Variants in UBE2H observed in about 807,000 individuals in gnomAD.
UBE2H encodes ubiquitin conjugating enzyme E2 H, also known as ubiquitin-conjugating enzyme E2 H.
UBE2H carries 3 observed loss-of-function variants against 29.0 expected under a neutral mutation model. The observed-to-expected ratio is 0.10, with a 90% CI of 0.05 to 0.27. The LOEUF (loss-of-function observed/expected upper bound fraction) is 0.27, where lower values mean the gene tolerates loss of function less well. Among genes scored for constraint, UBE2H ranks in the 10% least tolerant of loss-of-function variants. UBE2H has a pLI of 1.00. For missense variants in UBE2H, 68 were observed against 228.2 expected, an observed-to-expected ratio of 0.30 and a Z score of 4.52; for synonymous variants, 69 against 82.9, an observed-to-expected ratio of 0.83 and a Z score of 0.91.
intron 1 of UBE2H, among the ~76,000 whole-genome samples, chr7:129,913,491 C>T (rs1806981644): frequency 6.6e-6 from 1 of 152,146 alleles, no homozygotes; most frequent in Admixed American, 6.5e-5. Flanking sequence ...GAAGTTATTG[C>T]TATCTCCACC....
At chr7:129,905,573 G>C (rs1436944143) in intron 1 of UBE2H, among the ~76,000 whole-genome samples, 4 of 152,170 alleles carry the variant, frequency 2.6e-5, no homozygotes, top group Non-Finnish European at 5.9e-5. Context: ...AGGCAGGGGA[G>C]TCCCCTTCCC....
intron 1 of UBE2H, among the ~76,000 whole-genome samples, chr7:129,897,631 C>A (rs954989435): frequency 6.6e-6 from 1 of 152,186 alleles, no homozygotes; most frequent in Non-Finnish European, 1.5e-5. Flanking sequence ...ATACACTAGA[C>A]AGAATGCTAA....
At chr7:129,924,532 T>C (rs1807225587) in intron 1 of UBE2H, among the ~76,000 whole-genome samples, 2 of 152,044 alleles carry the variant, frequency 1.3e-5, no homozygotes, top group African/African-American at 4.8e-5. Flanking sequence ...CAAAATGAGA[T>C]TTTATGTCAT....
intron 1 of UBE2H, among the ~76,000 whole-genome samples, chr7:129,903,512 CAACACTT>C (rs1252903589): frequency 2.6e-5 from 4 of 152,128 alleles, no homozygotes; most frequent in Non-Finnish European, 4.4e-5. Flanking sequence ...CCTGTAATCC[CAACACTT>C]TAGGAGACCC....
At chr7:129,928,582 G>T (rs964799560) in intron 1 of UBE2H, among the ~76,000 whole-genome samples, 1 of 152,164 alleles carries the variant, frequency 6.6e-6, no homozygotes, top group African/African-American at 2.4e-5. Context: ...CAGCCTGCGC[G>T]ACAAAGCGAG....
intron 1 of UBE2H, among the ~76,000 whole-genome samples, chr7:129,907,588 T>C (rs949220418): frequency 6.6e-6 from 1 of 152,192 alleles, no homozygotes; most frequent in Non-Finnish European, 1.5e-5. Context: ...CTTTATCCTA[T>C]GAACAGTACA....
In UBE2H at chr7:129,897,590, T is replaced by C. The variant is rs560169105; in HGVS notation, c.54-16619A>G. Among the ~76,000 whole-genome samples the C allele has an allele frequency of 2.6e-5, 4 of 152,320 alleles. No individual in the cohort carries two copies. In the South Asian group the frequency reaches 8.3e-4, roughly 32 times the overall value. On this transcript the variant is annotated intron_variant, in intron 1 of 6. Transcript: ENST00000355621. Reference sequence around the variant, plus strand: ...ACAGGTTCAAAATTACTGTCAAGGTTTTATTCTGAAAAAAGCAAAACTACA... The same window carrying C: ...ACAGGTTCAAAATTACTGTCAAGGTCTTATTCTGAAAAAAGCAAAACTACA...
At chr7:129,893,337 C>A (rs779741531) in intron 1 of UBE2H, among the ~76,000 whole-genome samples, 1 of 152,052 alleles carries the variant, frequency 6.6e-6, no homozygotes, top group Non-Finnish European at 1.5e-5. Flanking sequence ...TGTATTATTC[C>A]TCCAGACTTC....
intron 1 of UBE2H, among the ~76,000 whole-genome samples, chr7:129,884,757 T>C (rs993967279): frequency 2.0e-5 from 3 of 151,992 alleles, no homozygotes; most frequent in African/African-American, 7.2e-5. Flanking sequence ...CTAATTTTTT[T>C]AGTTTTTGTA....
chr7:129,866,679 T>C (rs1453379574), intron 3 of UBE2H, among the ~76,000 whole-genome samples: 1 of 152,192 alleles, frequency 6.6e-6, no homozygotes, highest in African/African-American at 2.4e-5. Context: ...CATTACGTAT[T>C]GCATATATGT....
intron 1 of UBE2H, among the ~76,000 whole-genome samples, chr7:129,931,088 CATG>C (rs1293610943): frequency 6.6e-6 from 1 of 151,674 alleles, no homozygotes; most frequent in African/African-American, 2.4e-5. Context: ...CGTGGTGGTG[CATG>C]CCTGTAGTCC....
chr7:129,927,248 T>C (rs923685448), intron 1 of UBE2H, among the ~76,000 whole-genome samples: 1 of 152,168 alleles, frequency 6.6e-6, no homozygotes, highest in Non-Finnish European at 1.5e-5. Context: ...AATTTAAAAA[T>C]GTGGGCAACT....
chr7:129,934,214 C>G (rs1156518161), intron 1 of UBE2H, among the ~76,000 whole-genome samples: 2 of 152,110 alleles, frequency 1.3e-5, no homozygotes, highest in Non-Finnish European at 1.5e-5. Flanking sequence ...CCTAGCTACT[C>G]AGGAGGCTGA....
intron 1 of UBE2H, among the ~76,000 whole-genome samples, chr7:129,895,186 T>C (rs1464026890): frequency 6.6e-6 from 1 of 152,170 alleles, no homozygotes; most frequent in African/African-American, 2.4e-5. Flanking sequence ...GCATCTGACA[T>C]GCTGTGCAGA....
At chr7:129,946,218 A>G (rs1387531135) in intron 1 of UBE2H, among the ~76,000 whole-genome samples, 1 of 145,590 alleles carries the variant, frequency 6.9e-6, no homozygotes, top group Non-Finnish European at 1.5e-5. Flanking sequence ...ACGCCCGGCT[A>G]ATTTTTTTTT....
intron 1 of UBE2H, among the ~76,000 whole-genome samples, chr7:129,901,680 T>C (rs1024405645): frequency 2.0e-5 from 3 of 152,014 alleles, no homozygotes; most frequent in Middle Eastern, 3.2e-3. Flanking sequence ...CTGCAACCTC[T>C]GCCTCCCGGG....
At chr7:129,852,199 A>G (rs1805622725) in intron 5 of UBE2H, among the ~76,000 whole-genome samples, 1 of 152,244 alleles carries the variant, frequency 6.6e-6, no homozygotes, top group Non-Finnish European at 1.5e-5. Flanking sequence ...ATCCAGCATA[A>G]AGCATTATTT....
rs1156901868 is a variant in UBE2H, at chr7:129,952,580, T to A, written c.-25A>T. 6.2e-7 allele frequency: 1 copy of A among 1,607,530 alleles called. No homozygotes were observed. Among genetic ancestry groups the A allele is most frequent in the African/African-American group, 1.3e-5 (1 of 74,666 alleles). On this transcript the variant is annotated 5_prime_UTR_variant, in exon 1 of 7. Transcript: ENST00000355621. ...TGGTGTCGCCGCCGCCTCTCTCCCT[T>A]CCTCGGCCCGTCTGTCACGGGCCCG...
Position 129,952,647 on chromosome 7 carries a change from G to A in UBE2H, c.-92C>T, listed in dbSNP as rs1028285388. 23 of 1,483,064 alleles carry A rather than the reference G, an allele frequency of 1.6e-5. No homozygotes were observed. The East Asian group carries it at 2.3e-4, about 15-fold the overall frequency. 91.9% of individuals were successfully genotyped at this position (1,483,064 alleles called of 1,614,324 possible). On this transcript the variant is annotated 5_prime_UTR_variant, in exon 1 of 7. Transcript: ENST00000355621. ...GAGCCCGCGGCCGCGCCGGCTCCTC[G>A]GTGGAGGTGGCAACACCCCCGCGGT... is the stretch of plus-strand genomic sequence containing the variant.
Sources: allele counts gnomAD v4.1 joint callset (sites outside exome capture counted in the v4.1 genomes callset), GRCh38; gene constraint gnomAD v4.1.1; transcripts MANE v1.5; gene names NCBI Gene and HGNC (gene_info 2026-07-23, HGNC 2026-07-21).